The following NDUFA9 variants were observed in gnomAD, a reference collection of about 807,000 sequenced individuals.
The protein encoded by NDUFA9 is NADH:ubiquinone oxidoreductase subunit A9.
Under a neutral mutation model 45.9 loss-of-function variants are expected in NDUFA9, and 23 were observed. That is an observed-to-expected ratio of 0.50 (90% CI 0.36 to 0.71). The LOEUF (loss-of-function observed/expected upper bound fraction) is 0.71. NDUFA9 is among the 30% of genes least tolerant of loss of function. The probability of loss-of-function intolerance (pLI) is 0.00; values close to 1 mark genes in which losing one functional copy is unlikely to be tolerated. For missense variants in NDUFA9, 466 were observed against 488.2 expected (o/e 0.95, Z 0.43); for synonymous variants, 176 against 170.5 (o/e 1.03, Z -0.25).
At chr12:4,668,766 A>T (rs1172464543) in intron 7 of NDUFA9, 1 of 484,222 alleles carries the variant, frequency 2.1e-6, no homozygotes, top group African/African-American at 1.9e-5. Flanking sequence ...ACATGTCACT[A>T]GGGAAATAAA....
At position 4,649,145 on chromosome 12, in the gene NDUFA9, T is replaced by A; in HGVS notation, c.19T>A (p.Ser7Thr). MAAAAQ[S>T]RVVRVLSMSR... Reference sequence around the variant, plus strand: ...GGAAAAGATGGCGGCTGCCGCACAATCCCGGGTTGTCCGGGTCCTGTCAAT... The same window carrying A: ...GGAAAAGATGGCGGCTGCCGCACAAACCCGGGTTGTCCGGGTCCTGTCAAT... Residue 7 changes from serine (S) to threonine (T), a missense_variant, in exon 1 of 11, where the codon TCC becomes ACC. Ser to Thr is a moderately conservative substitution (Grantham distance 58). Coordinates refer to ENST00000266544, the MANE Select transcript of NDUFA9 (RefSeq NM_005002.5). The A allele has an allele frequency of 6.2e-7, 1 of 1,605,026 alleles. No individual in the cohort carries two copies. Among genetic ancestry groups the A allele is most frequent in the Non-Finnish European group, 8.5e-7 (1 of 1,176,082 alleles).
intron 6 of NDUFA9, 86 bp downstream of exon 6, chr12:4,662,721 C>T: frequency 9.6e-7 from 1 of 1,038,668 alleles, no homozygotes; most frequent in Non-Finnish European, 1.5e-6. Flanking sequence ...CTCTGATTGA[C>T]AGACTAAGGA....
At chr12:4,679,581 A>G (rs1945940619) in intron 8 of NDUFA9, among the ~76,000 whole-genome samples, 1 of 152,220 alleles carries the variant, frequency 6.6e-6, no homozygotes, top group Non-Finnish European at 1.5e-5. Flanking sequence ...GGATGCTGCC[A>G]GGAGGTTGAG....
chr12:4,653,857 G>A (rs947794720), intron 1 of NDUFA9, among the ~76,000 whole-genome samples: 1 of 151,310 alleles, frequency 6.6e-6, no homozygotes, highest in Non-Finnish European at 1.5e-5. Context: ...TTCTACCTCT[G>A]CATTGTGATG....
chr12:4,674,595 G>A (rs961526773), intron 8 of NDUFA9, among the ~76,000 whole-genome samples: 3 of 152,124 alleles, frequency 2.0e-5, no homozygotes, highest in Admixed American at 6.5e-5. Flanking sequence ...AATGGTAAAG[G>A]GATCAATGCA....
At position 4,693,864 on chromosome 12, in the gene NDUFA9, G is replaced by A. The variant is rs966687764; in HGVS notation, c.*6756G>A. 5.9e-5 allele frequency: 9 copies of A among 152,114 alleles called. No homozygotes were observed. Among genetic ancestry groups the A allele is most frequent in the Non-Finnish European group, 1.2e-4 (8 of 68,046 alleles). 9.4% of individuals were successfully genotyped at this position (152,114 alleles called of 1,614,324 possible). A position where few individuals can be genotyped will look rare whatever the true frequency, so the allele number is the denominator to read the frequency against. On this transcript the variant is annotated 3_prime_UTR_variant, in exon 11 of 11. Transcript: ENST00000266544. Reference sequence around the variant, plus strand: ...AATCGAGATTATCTAGTTTCCCCTCGACATTTTATAACTGAATAAACAATA... The same window carrying A: ...AATCGAGATTATCTAGTTTCCCCTCAACATTTTATAACTGAATAAACAATA...
At chr12:4,652,863 A>C (rs1945767359) in intron 1 of NDUFA9, among the ~76,000 whole-genome samples, 1 of 152,246 alleles carries the variant, frequency 6.6e-6, no homozygotes, top group Admixed American at 6.5e-5. Context: ...AATTTCTGTC[A>C]CTATCAGTGA....
At chr12:4,684,947 G>C in intron 9 of NDUFA9, 1 of 592,986 alleles carries the variant, frequency 1.7e-6, no homozygotes, top group Non-Finnish European at 3.0e-6. Context: ...TCACAGACTT[G>C]ATTAAATACT....
intron 9 of NDUFA9, among the ~76,000 whole-genome samples, chr12:4,683,387 C>T (rs1945965802): frequency 6.6e-6 from 1 of 152,136 alleles, no homozygotes; most frequent in South Asian, 2.1e-4. Context: ...GGGTTTTCAT[C>T]CATTCATTCA....
intron 6 of NDUFA9, among the ~76,000 whole-genome samples, chr12:4,665,353 G>C (rs1945847014): frequency 6.6e-6 from 1 of 152,098 alleles, no homozygotes; most frequent in Non-Finnish European, 1.5e-5. Flanking sequence ...TTCGTAGCTG[G>C]CTTATTTGAC....
Position 4,687,743 on chromosome 12 carries a change from G to C in NDUFA9, c.*635G>C, listed in dbSNP as rs1945996257. ...ATAGATTCTCTTCACATGCAAAGGAGATGCTTCAGCTTCTATGCCAGCAGT... is the reference window on the plus strand; with the variant it reads ...ATAGATTCTCTTCACATGCAAAGGACATGCTTCAGCTTCTATGCCAGCAGT... On this transcript the variant is annotated 3_prime_UTR_variant, in exon 11 of 11. Transcript: ENST00000266544. The C allele has an allele frequency of 6.6e-6, 1 of 152,208 alleles. No homozygotes were observed. The highest frequency in any genetic ancestry group is 2.4e-5 in the African/African-American group (1 of 41,438). 9.4% of individuals were successfully genotyped at this position (152,208 alleles called of 1,614,324 possible). A position where few individuals can be genotyped will look rare whatever the true frequency, so the allele number is the denominator to read the frequency against.
In NDUFA9 at chr12:4,653,559, A is replaced by G. The variant is rs78450145; in HGVS notation, c.50-733A>G. Reference sequence around the variant, plus strand: ...GTACCAAGAACCTCAGTCAATGAAAAAGAAATGGTGGAATGTTTGACAAGT... The same window carrying G: ...GTACCAAGAACCTCAGTCAATGAAAGAGAAATGGTGGAATGTTTGACAAGT... On this transcript the variant is annotated intron_variant, in intron 1 of 10. Coordinates refer to ENST00000266544, the MANE Select transcript of NDUFA9 (RefSeq NM_005002.5). The G allele has an allele frequency of 4.0e-3, 1,749 of 436,524 alleles. 30 individuals are homozygous for G. Among genetic ancestry groups the G allele is most frequent in the African/African-American group, 0.032 (1,564 of 48,862 alleles). 27.0% of individuals were successfully genotyped at this position (436,524 alleles called of 1,614,324 possible).
Position 4,687,161 on chromosome 12 carries a change from T to C in NDUFA9, c.*53T>C. On this transcript the variant is annotated 3_prime_UTR_variant, in exon 11 of 11. Transcript: ENST00000266544. ...CGTCTTTTGGGTCGGCCCATGTGGT[T>C]TGAGCACCCAGCCAGGCGGTCTCTT... The C allele has an allele frequency of 1.9e-6, 3 of 1,572,502 alleles. No individual in the cohort carries two copies. Among genetic ancestry groups the C allele is most frequent in the Non-Finnish European group, 2.6e-6 (3 of 1,152,048 alleles).
At chr12:4,680,919 C>A (rs961984531) in intron 8 of NDUFA9, among the ~76,000 whole-genome samples, 1 of 152,140 alleles carries the variant, frequency 6.6e-6, no homozygotes, top group African/African-American at 2.4e-5. Context: ...TCGTACAGAA[C>A]TATTCAGATT....
At position 4,654,832 on chromosome 12, in the gene NDUFA9, G is replaced by A; in HGVS notation, c.228G>A (p.Met76Ile). 6.2e-7 allele frequency: 1 copy of A among 1,610,834 alleles called. No homozygotes were observed. ...CAATCCATTCTCTTTTAGGACGCATGGGGTCACAGGTAATCATACCCTATC... is the reference window on the plus strand; with the variant it reads ...CAATCCATTCTCTTTTAGGACGCATAGGGTCACAGGTAATCATACCCTATC... ...GRYVVNHLGR[M>I]GSQVIIPYRC... Residue 76 changes from methionine to isoleucine, a missense_variant, in exon 3 of 11, where the codon ATG (methionine) becomes ATA (isoleucine). Physicochemically the swap from Met to Ile is conservative, Grantham distance 10. Transcript: ENST00000266544.
intron 9 of NDUFA9, 86 bp from the exon 10 acceptor site, chr12:4,685,173 C>G (rs1004243532): frequency 5.1e-6 from 6 of 1,185,922 alleles, no homozygotes; most frequent in Non-Finnish European, 7.6e-6. Flanking sequence ...CTACAGCGGT[C>G]TGTCTTCCTG....
chr12:4,690,038 C>G lies in NDUFA9; in HGVS notation c.*2930C>G, dbSNP rs1341035968. The G allele has an allele frequency of 6.6e-6, 1 of 152,446 alleles. No homozygotes were observed. The highest frequency in any genetic ancestry group is 1.5e-5 in the Non-Finnish European group (1 of 68,226). 9.4% of individuals were successfully genotyped at this position (152,446 alleles called of 1,614,324 possible). A position where few individuals can be genotyped will look rare whatever the true frequency, so the allele number is the denominator to read the frequency against. ...TATGGAGGTTGCATATGACAAGTAA[C>G]TGGGAGCTGGGCATAAGATCTAGGA... On this transcript the variant is annotated 3_prime_UTR_variant, in exon 11 of 11. Coordinates refer to ENST00000266544, the MANE Select transcript of NDUFA9 (RefSeq NM_005002.5).
At chr12:4,676,033 G>C (rs1015908667) in intron 8 of NDUFA9, among the ~76,000 whole-genome samples, 1 of 152,182 alleles carries the variant, frequency 6.6e-6, no homozygotes, top group Non-Finnish European at 1.5e-5. Flanking sequence ...CAGAACCAAT[G>C]ACAAAAACTA....
At chr12:4,670,757 A>C (rs1390968004) in intron 8 of NDUFA9, among the ~76,000 whole-genome samples, 1 of 152,242 alleles carries the variant, frequency 6.6e-6, no homozygotes, top group Non-Finnish European at 1.5e-5. Context: ...ATTAGCATGC[A>C]ATCAGTTATA....
Sources: allele counts gnomAD v4.1 joint callset (sites outside exome capture counted in the v4.1 genomes callset), GRCh38; gene constraint gnomAD v4.1.1; transcripts MANE v1.5; gene names NCBI Gene and HGNC (gene_info 2026-07-23, HGNC 2026-07-21).